The following PLXDC2 variants were observed in gnomAD, a reference collection of about 807,000 sequenced individuals.
PLXDC2 encodes the protein plexin domain-containing protein 2.
PLXDC2 carries 40 observed loss-of-function variants against 68.9 expected under a neutral mutation model. That is an observed-to-expected ratio of 0.58 (90% CI 0.45 to 0.76). The LOEUF is 0.76. Among genes scored for constraint, PLXDC2 ranks in the 30% least tolerant of loss-of-function variants. PLXDC2 has a pLI of 0.00. For synonymous variants in PLXDC2, 243 were observed against 234.2 expected (o/e 1.04, Z -0.34); for missense variants, 644 against 661.9 (o/e 0.97, Z 0.30).
intron 4 of PLXDC2, among the ~76,000 whole-genome samples, chr10:20,088,040 A>G (rs74993192): frequency 0.017 from 2,528 of 152,310 alleles, 34 homozygotes; most frequent in Non-Finnish European, 0.023. Context: ...AACAGGCTCT[A>G]TAATCATTAT....
chr10:20,245,898 G>A (rs1352950879), intron 13 of PLXDC2, among the ~76,000 whole-genome samples: 1 of 152,128 alleles, frequency 6.6e-6, no homozygotes, highest in Non-Finnish European at 1.5e-5. Flanking sequence ...TGCTAATTGA[G>A]TATTGGCTGT....
chr10:20,133,486 C>A (rs1456390492), intron 4 of PLXDC2, among the ~76,000 whole-genome samples: 1 of 152,102 alleles, frequency 6.6e-6, no homozygotes. Flanking sequence ...TATTCTTGGT[C>A]ATTGCTGGTT....
chr10:20,216,127 A>G (rs1281417832), intron 10 of PLXDC2, among the ~76,000 whole-genome samples: 1 of 152,160 alleles, frequency 6.6e-6, no homozygotes, highest in African/African-American at 2.4e-5. Flanking sequence ...AAAAAATAAA[A>G]AAATAGAGCA....
chr10:20,224,087 T>C (rs941196844), intron 12 of PLXDC2, among the ~76,000 whole-genome samples: 10 of 151,684 alleles, frequency 6.6e-5, no homozygotes, highest in Non-Finnish European at 1.5e-4. Context: ...GATTCACCTG[T>C]CTCAGCCTCC....
chr10:20,173,741 G>A (rs1834481142), intron 7 of PLXDC2, among the ~76,000 whole-genome samples: 1 of 152,160 alleles, frequency 6.6e-6, no homozygotes, highest in South Asian at 2.1e-4. Context: ...TCTTGAAGAA[G>A]ACCCATGAGC....
intron 12 of PLXDC2, among the ~76,000 whole-genome samples, chr10:20,234,663 C>CTTTTTTTTTTTTTTTTTTTTTTT (rs58791520): frequency 1.6e-5 from 2 of 125,422 alleles, no homozygotes; most frequent in African/African-American, 3.0e-5. Flanking sequence ...GGGTTTCTTT[C>CTTTTTTTTTTTTTTTTTTTTTTT]TTTTTTTTTT....
intron 2 of PLXDC2, among the ~76,000 whole-genome samples, chr10:20,045,398 T>C (rs900886155): frequency 6.6e-6 from 1 of 152,146 alleles, no homozygotes; most frequent in African/African-American, 2.4e-5. Context: ...CTCAAATTCC[T>C]AACCTCAGGT....
chr10:20,032,656 G>A (rs528029133), intron 2 of PLXDC2, among the ~76,000 whole-genome samples: 50 of 151,924 alleles, frequency 3.3e-4, no homozygotes, highest in Non-Finnish European at 5.0e-4. Flanking sequence ...CTGTGGAAGC[G>A]GAGAGAACAT....
At chr10:20,257,365 G>A (rs1835754451) in intron 13 of PLXDC2, among the ~76,000 whole-genome samples, 1 of 152,160 alleles carries the variant, frequency 6.6e-6, no homozygotes, top group Non-Finnish European at 1.5e-5. Flanking sequence ...AGCAAAAACT[G>A]CAAAGTGAAC....
rs577254499 is a variant in PLXDC2, at chr10:20,023,336, C to T, written c.324+21350C>T. Among the ~76,000 whole-genome samples, 13 of 152,048 alleles carry T rather than the reference C, an allele frequency of 8.5e-5. No homozygotes were observed. In the East Asian group the frequency reaches 1.5e-3, roughly 18 times the overall value. On this transcript the variant is annotated intron_variant, in intron 2 of 13. Transcript: ENST00000377252. ...TTTATTGTAGATCTAAAACATTTCT[C>T]GATGTCATAAATACCTTATAAGTAT...
chr10:19,884,066 A>AT (rs112223327), intron 1 of PLXDC2, among the ~76,000 whole-genome samples: 14,132 of 133,248 alleles, frequency 0.11, 788 homozygotes, highest in Admixed American at 0.22. Flanking sequence ...TAATTTTTGT[A>AT]TTTTTTTTTT....
chr10:20,201,505 T>C (rs13376763), intron 9 of PLXDC2, among the ~76,000 whole-genome samples: 71,862 of 151,610 alleles, frequency 0.47, 17,225 homozygotes, highest in Middle Eastern at 0.55. Context: ...TAGATTATAA[T>C]GATACAAAAC....
chr10:20,096,642 G>A (rs962984965), intron 4 of PLXDC2, among the ~76,000 whole-genome samples: 7 of 152,012 alleles, frequency 4.6e-5, no homozygotes, highest in Non-Finnish European at 8.8e-5. Context: ...ATGCAGAAAC[G>A]AATCAAGTAG....
intron 4 of PLXDC2, among the ~76,000 whole-genome samples, chr10:20,132,088 A>G (rs575206338): frequency 1.3e-5 from 2 of 152,192 alleles, no homozygotes; most frequent in Admixed American, 1.3e-4. Context: ...ATCACTATTG[A>G]TTTCTTCTTT....
At chr10:20,115,628 C>G (rs960059637) in intron 4 of PLXDC2, among the ~76,000 whole-genome samples, 3 of 152,130 alleles carry the variant, frequency 2.0e-5, no homozygotes, top group African/African-American at 7.2e-5. Context: ...AAGAAATGCA[C>G]AGTGTTGAAG....
chr10:19,840,700 A>C (rs1836888017), intron 1 of PLXDC2, among the ~76,000 whole-genome samples: 1 of 152,118 alleles, frequency 6.6e-6, no homozygotes, highest in South Asian at 2.1e-4. Flanking sequence ...ATTATTGAAA[A>C]CAAATTACTA....
intron 10 of PLXDC2, 121 bp from the exon 11 acceptor site, chr10:20,217,304 TA>T: frequency 2.4e-6 from 2 of 830,886 alleles, no homozygotes; most frequent in Non-Finnish European, 1.8e-6. Context: ...TGTACAAAAG[TA>T]ATTTATTCCT....
In PLXDC2 at chr10:19,911,392, G is replaced by T. The variant is rs115491298; in HGVS notation, c.113-90383G>T. On this transcript the variant is annotated intron_variant, in intron 1 of 13. Transcript: ENST00000377252. ...TGTAAACATGTTCCAATTTGCTCTA[G>T]CATAATTTTAAATAAAACCTCCTTA... Among the ~76,000 whole-genome samples the T allele has an allele frequency of 3.2e-3, 484 of 152,146 alleles. 3 individuals are homozygous for T. The highest frequency in any genetic ancestry group is 0.011 in the African/African-American group (468 of 41,476).
chr10:20,139,473 G>T (rs545816384), intron 4 of PLXDC2, among the ~76,000 whole-genome samples: 1 of 152,232 alleles, frequency 6.6e-6, no homozygotes, highest in East Asian at 1.9e-4. Flanking sequence ...TCTTCAAATG[G>T]CTACAAAGAC....
Sources: gnomAD v4.1 joint callset for allele counts (sites outside exome capture counted in the v4.1 genomes callset) on GRCh38, gnomAD v4.1.1 for gene constraint, MANE v1.5 for transcripts, NCBI Gene and HGNC (gene_info 2026-07-23, HGNC 2026-07-21) for gene names.